The following TRDN variants were observed in gnomAD, a reference collection of about 807,000 sequenced individuals.
TRDN encodes the protein triadin.
Under a neutral mutation model 149.7 loss-of-function variants are expected in TRDN, and 161 were observed. The ratio of observed to expected loss-of-function variants is 1.08; its 90% confidence interval spans 0.95 to 1.23. The LOEUF (loss-of-function observed/expected upper bound fraction) is 1.23. Ranked by LOEUF, TRDN falls within the 50% of genes most tolerant of loss-of-function variation. TRDN has a pLI of 0.00. For missense variants in TRDN, 896 were observed against 823.5 expected, an observed-to-expected ratio of 1.09 and a Z score of -1.08; for synonymous variants, 294 against 250.5, an observed-to-expected ratio of 1.17 and a Z score of -1.64.
chr6:123,631,291 G>A (rs1487514812), intron 1 of TRDN, among the ~76,000 whole-genome samples: 3 of 151,900 alleles, frequency 2.0e-5, no homozygotes, highest in Non-Finnish European at 4.4e-5. Context: ...TAAATGCAAT[G>A]TTCCAAGCCA....
At chr6:123,302,528 A>G (rs889184327) in intron 24 of TRDN, among the ~76,000 whole-genome samples, 3 of 152,124 alleles carry the variant, frequency 2.0e-5, no homozygotes, top group Admixed American at 2.0e-4. Flanking sequence ...GTGCTCAGGA[A>G]TGGCGAAGAC....
intron 1 of TRDN, among the ~76,000 whole-genome samples, chr6:123,630,325 G>A (rs1785922938): frequency 1.3e-5 from 2 of 151,940 alleles, no homozygotes; most frequent in Admixed American, 6.6e-5. Context: ...AAGCTTTACT[G>A]GAAAATCTTA....
At chr6:123,521,393 A>G (rs1423148746) in intron 5 of TRDN, among the ~76,000 whole-genome samples, 1 of 152,110 alleles carries the variant, frequency 6.6e-6, no homozygotes, top group Non-Finnish European at 1.5e-5. Context: ...GGATATGCAC[A>G]GAGGGAATGC....
chr6:123,326,826 T>G (rs1163372034), intron 23 of TRDN, among the ~76,000 whole-genome samples: 5 of 152,108 alleles, frequency 3.3e-5, no homozygotes, highest in Non-Finnish European at 5.9e-5. Context: ...AATTTTAAAT[T>G]TCAAGTGCTT....
chr6:123,347,103 G>T (rs907783007), intron 21 of TRDN, among the ~76,000 whole-genome samples: 4 of 152,026 alleles, frequency 2.6e-5, no homozygotes, highest in African/African-American at 7.2e-5. Flanking sequence ...AGGCTTGGTA[G>T]CAAAAGGAAC....
chr6:123,277,477 G>A (rs1221253391), intron 26 of TRDN, among the ~76,000 whole-genome samples: 1 of 152,136 alleles, frequency 6.6e-6, no homozygotes, highest in East Asian at 1.9e-4. Context: ...GGTTATTGCA[G>A]ATGTAATTAG....
chr6:123,533,903 T>C (rs1355383492), intron 4 of TRDN, among the ~76,000 whole-genome samples: 3 of 152,080 alleles, frequency 2.0e-5, no homozygotes, highest in Non-Finnish European at 4.4e-5. Context: ...GACTAAAAAA[T>C]GGCAATTTAT....
intron 9 of TRDN, among the ~76,000 whole-genome samples, chr6:123,484,787 A>G (rs1156966927): frequency 6.6e-6 from 1 of 152,206 alleles, no homozygotes; most frequent in East Asian, 1.9e-4. Context: ...TGTAAGAAAA[A>G]TGAAAAAGCT....
intron 38 of TRDN, among the ~76,000 whole-genome samples, chr6:123,228,747 C>T (rs1253460752): frequency 6.6e-6 from 1 of 151,872 alleles, no homozygotes; most frequent in Non-Finnish European, 1.5e-5. Flanking sequence ...GATTCTAGTA[C>T]CCATGCATTA....
intron 29 of TRDN, among the ~76,000 whole-genome samples, chr6:123,272,264 C>T (rs1234970127): frequency 6.6e-6 from 1 of 151,866 alleles, no homozygotes; most frequent in Non-Finnish European, 1.5e-5. Context: ...TAACTATATT[C>T]ACAAATTGGG....
intron 9 of TRDN, among the ~76,000 whole-genome samples, chr6:123,485,925 T>C (rs1257800981): frequency 6.6e-6 from 1 of 152,232 alleles, no homozygotes; most frequent in East Asian, 1.9e-4. Flanking sequence ...CCTGAAATCC[T>C]TGTGCAGCTC....
chr6:123,393,534 A>G (rs1772595845), intron 13 of TRDN, 90 bp downstream of exon 13: 1 of 1,164,382 alleles, frequency 8.6e-7, no homozygotes, highest in Non-Finnish European at 1.2e-6. Flanking sequence ...AGATGGTGCT[A>G]TTCTGCAATA....
At chr6:123,596,131 G>A (rs887812114) in intron 1 of TRDN, among the ~76,000 whole-genome samples, 17 of 152,116 alleles carry the variant, frequency 1.1e-4, no homozygotes, top group Admixed American at 1.0e-3. Flanking sequence ...CTACCCTGGT[G>A]AGGACATAAA....
rs1036980760 is a variant in TRDN, at chr6:123,237,156, A to G, written c.1976-13025T>C. ...CATAATTTATACATAAGTATTTCAT[A>G]TTAGGTAACACGAACTAATTTTTTT... is the stretch of plus-strand genomic sequence containing the variant. On this transcript the variant is annotated intron_variant, in intron 38 of 40. Transcript: ENST00000334268. Among the ~76,000 whole-genome samples, 23 of 129,810 alleles carry G rather than the reference A, an allele frequency of 1.8e-4. 1 individual carries two copies. Among genetic ancestry groups the G allele is most frequent in the Admixed American group, 1.5e-3 (18 of 11,748 alleles). The allele number at this position is 129,810 out of a possible 152,430, so 85.2% of individuals were successfully genotyped here. A position where few individuals can be genotyped will look rare whatever the true frequency, so the allele number is the denominator to read the frequency against.
intron 38 of TRDN, among the ~76,000 whole-genome samples, chr6:123,248,876 G>T (rs1310017777): frequency 6.6e-6 from 1 of 152,090 alleles, no homozygotes; most frequent in Non-Finnish European, 1.5e-5. Flanking sequence ...TACAAGGTCA[G>T]CATTACCCTG....
intron 10 of TRDN, 105 bp downstream of exon 10, chr6:123,464,801 A>T (rs1776689661): frequency 3.3e-6 from 5 of 1,500,914 alleles, no homozygotes; most frequent in Middle Eastern, 2.2e-4. Flanking sequence ...TATTTAAGAA[A>T]ATATTGGATT....
At chr6:123,487,743 A>T (rs576202784) in intron 9 of TRDN, among the ~76,000 whole-genome samples, 1 of 152,250 alleles carries the variant, frequency 6.6e-6, no homozygotes, top group African/African-American at 2.4e-5. Flanking sequence ...TTATAAACAC[A>T]TCAATTTCAC....
intron 24 of TRDN, among the ~76,000 whole-genome samples, chr6:123,289,383 A>C (rs950573141): frequency 6.6e-6 from 1 of 151,970 alleles, no homozygotes; most frequent in Non-Finnish European, 1.5e-5. Flanking sequence ...GTTTCAGTTA[A>C]ACTGGAGGAA....
intron 1 of TRDN, among the ~76,000 whole-genome samples, chr6:123,587,092 TG>T (rs1467533650): frequency 4.0e-5 from 6 of 150,166 alleles, no homozygotes; most frequent in African/African-American, 1.5e-4. Context: ...CCCAGAAAGG[TG>T]GAAAAGAGGT....
Sources: gnomAD v4.1 joint callset for allele counts (sites outside exome capture counted in the v4.1 genomes callset) on GRCh38, gnomAD v4.1.1 for gene constraint, MANE v1.5 for transcripts, NCBI Gene and HGNC (gene_info 2026-07-23, HGNC 2026-07-21) for gene names.